FAM124A: variants seen among roughly 807,000 people sequenced by gnomAD.
FAM124A encodes the protein protein FAM124A.
FAM124A carries 23 observed loss-of-function variants against 24.5 expected under a neutral mutation model. That is an observed-to-expected ratio of 0.94 (90% confidence interval 0.68 to 1.33). The LOEUF (loss-of-function observed/expected upper bound fraction) is 1.33, where lower values mean the gene tolerates loss of function less well. FAM124A is among the 40% of genes most tolerant of loss of function. FAM124A has a pLI of 0.00. For synonymous variants in FAM124A, 287 were observed against 314.7 expected, an observed-to-expected ratio of 0.91 and a Z score of 0.93; for missense variants, 623 against 722.8, an observed-to-expected ratio of 0.86 and a Z score of 1.58.
At chr13:51,246,081 A>G (rs1279574200) in intron 2 of FAM124A, among the ~76,000 whole-genome samples, 1 of 152,220 alleles carries the variant, frequency 6.6e-6, no homozygotes, top group Non-Finnish European at 1.5e-5. Context: ...CCTTCTCCTT[A>G]GGAAAACACA....
chr13:51,233,575 A>C lies in FAM124A; in HGVS notation c.100+2196A>C, dbSNP rs373920166. Among the ~76,000 whole-genome samples the C allele has an allele frequency of 3.3e-5, 5 of 152,126 alleles. No homozygotes were observed. In the South Asian group the frequency reaches 1.0e-3, roughly 32 times the overall value. On this transcript the variant is annotated intron_variant, in intron 2 of 3. Transcript: ENST00000322475. ...GTGGGGCGGGTAGGGGGAAGCGGGG[A>C]GGCTTGACTGTCCCTGCGTCAGCAC...
chr13:51,250,036 G>T (rs748782869), intron 2 of FAM124A, among the ~76,000 whole-genome samples: 2 of 152,214 alleles, frequency 1.3e-5, no homozygotes, highest in South Asian at 4.1e-4. Context: ...TAAGAGAGAA[G>T]ACAGCAAGCT....
intron 1 of FAM124A, among the ~76,000 whole-genome samples, chr13:51,230,407 G>C (rs533441872): frequency 9.9e-5 from 15 of 152,196 alleles, no homozygotes; most frequent in Non-Finnish European, 2.9e-5. Flanking sequence ...AGACTAAGGA[G>C]ATAAAAGGAA....
chr13:51,271,473 C>A (rs567491368), intron 3 of FAM124A, among the ~76,000 whole-genome samples: 1 of 152,216 alleles, frequency 6.6e-6, no homozygotes, highest in South Asian at 2.1e-4. Context: ...GAAGTAAAGC[C>A]AGCTAGGCAG....
chr13:51,248,376 A>G (rs569466710), intron 2 of FAM124A, among the ~76,000 whole-genome samples: 14 of 152,298 alleles, frequency 9.2e-5, no homozygotes, highest in African/African-American at 3.1e-4. Flanking sequence ...TAGCCTGTGA[A>G]TCCATGCCTC....
chr13:51,252,206 TG>T lies in FAM124A; in HGVS notation c.834+11del. 6.2e-7 allele frequency: 1 copy of T among 1,610,718 alleles called. No individual in the cohort carries two copies. Among genetic ancestry groups the T allele is most frequent in the Non-Finnish European group, 8.5e-7 (1 of 1,178,854 alleles). On this transcript the variant is annotated splice_donor_region_variant and intron_variant, in intron 3 of 3. Transcript: ENST00000322475. ...GGGAACAAGATCCTCCTACAGGTAC[TG>T]GGGGGACGCCTGTCTGTCTGTTTAG...
chr13:51,261,943 TG>T (rs1271088291), intron 3 of FAM124A, among the ~76,000 whole-genome samples: 2 of 152,236 alleles, frequency 1.3e-5, no homozygotes, highest in Admixed American at 1.3e-4. Flanking sequence ...GGGACAAAGA[TG>T]AACCAGAGGG....
At chr13:51,232,443 TA>T (rs1222191559) in intron 2 of FAM124A, among the ~76,000 whole-genome samples, 6 of 152,354 alleles carry the variant, frequency 3.9e-5, no homozygotes, top group African/African-American at 1.4e-4. Context: ...GAGAGACACT[TA>T]ATTGGATTAT....
intron 3 of FAM124A, among the ~76,000 whole-genome samples, chr13:51,257,442 G>C (rs1954686872): frequency 6.6e-6 from 1 of 152,048 alleles, no homozygotes; most frequent in Non-Finnish European, 1.5e-5. Flanking sequence ...ACTTAGATGG[G>C]CCTTGTTTTA....
rs74829222 is a variant in FAM124A at position 51,258,132 on chromosome 13, C to T, written c.834+5931C>T. ...GGTCTCTGTTTTCACGTTCATATGG[C>T]ATTCTCCCTGTGTGTGTCATCTCCA... is the stretch of plus-strand genomic sequence containing the variant. On this transcript the variant is annotated intron_variant, in intron 3 of 3. Coordinates refer to ENST00000322475, the MANE Select transcript of FAM124A (RefSeq NM_001242312.2). This position sits in a 1 kb window ranked among gnomAD's most constrained non-coding sequence, Gnocchi z 4.2. 0.046 allele frequency among the ~76,000 whole-genome samples: 6,962 copies of T among 152,248 alleles called. 224 individuals are homozygous for T. Among genetic ancestry groups the T allele is most frequent in the East Asian group, 0.16 (819 of 5,176 alleles).
At chr13:51,247,617 TC>T (rs1212937366) in intron 2 of FAM124A, among the ~76,000 whole-genome samples, 1 of 152,142 alleles carries the variant, frequency 6.6e-6, no homozygotes, top group African/African-American at 2.4e-5. Context: ...ATGGTGTTTT[TC>T]CCCCCTCATT....
At chr13:51,240,735 AG>A (rs958231857) in intron 2 of FAM124A, among the ~76,000 whole-genome samples, 2 of 152,242 alleles carry the variant, frequency 1.3e-5, no homozygotes, top group African/African-American at 4.8e-5. Flanking sequence ...ACATAAAAGC[AG>A]TACTGCTTTA....
In FAM124A at chr13:51,281,009, T is replaced by G. The variant is rs1954931519; in HGVS notation, c.1394T>G (p.Leu465Arg). Residue 465 changes from leucine to arginine, a missense_variant, in exon 4 of 4, where the codon CTG becomes CGG. Physicochemically the swap from Leu to Arg is moderately radical, Grantham distance 102. Coordinates refer to ENST00000322475, the MANE Select transcript of FAM124A (RefSeq NM_001242312.2). ...AAHKDSREGPLPTVSRVTTEA... is the reference protein window; with the variant it reads ...AAHKDSREGPRPTVSRVTTEA... ...CACAAGGATTCCAGGGAGGGACCAC[T>G]GCCCACTGTCAGCAGGGTGACCACA... is the stretch of plus-strand genomic sequence containing the variant. The G allele has an allele frequency of 1.2e-6, 2 of 1,613,942 alleles. No individual in the cohort carries two copies. Among genetic ancestry groups the G allele is most frequent in the African/African-American group, 1.3e-5 (1 of 74,890 alleles).
At chr13:51,233,153 C>T (rs1033939069) in intron 2 of FAM124A, among the ~76,000 whole-genome samples, 1 of 152,046 alleles carries the variant, frequency 6.6e-6, no homozygotes, top group African/African-American at 2.4e-5. Context: ...TTTCCTCTAA[C>T]CCTTAAGAAG....
chr13:51,241,922 T>A (rs1351356631), intron 2 of FAM124A, among the ~76,000 whole-genome samples: 1 of 152,178 alleles, frequency 6.6e-6, no homozygotes, highest in Non-Finnish European at 1.5e-5. Context: ...ATTCATCTGA[T>A]TTCTCAATAT....
intron 3 of FAM124A, among the ~76,000 whole-genome samples, chr13:51,264,372 AC>A (rs1306053152): frequency 6.6e-6 from 1 of 151,994 alleles, no homozygotes; most frequent in Non-Finnish European, 1.5e-5. Flanking sequence ...GGAAACTCAA[AC>A]CCTGCCTGTC....
chr13:51,252,086 A>C lies in FAM124A; in HGVS notation c.719A>C (p.Glu240Ala). Residue 240 changes from glutamate to alanine, a missense_variant, in exon 3 of 4, where the codon GAG becomes GCG. By Grantham distance (107) the Glu-to-Ala change is moderately radical. Coordinates refer to ENST00000322475, the MANE Select transcript of FAM124A (RefSeq NM_001242312.2). Reference protein sequence around the residue: ...CPVPTDSSVLEFRVRDIGELV... With the variant: ...CPVPTDSSVLAFRVRDIGELV... ...GTGCCCACCGACTCCTCCGTGCTGG[A>C]GTTCCGAGTGAGGGACATAGGCGAG... The C allele has an allele frequency of 6.2e-7, 1 of 1,614,062 alleles. No homozygotes were observed. The highest frequency in any genetic ancestry group is 8.5e-7 in the Non-Finnish European group (1 of 1,180,028).
chr13:51,252,935 G>A (rs1452903427), intron 3 of FAM124A: 1 of 152,114 alleles, frequency 6.6e-6, no homozygotes, highest in Non-Finnish European at 1.5e-5. Flanking sequence ...TCCTTCCAGG[G>A]GTTGTCCCAG....
chr13:51,238,206 G>A (rs939716037), intron 2 of FAM124A, among the ~76,000 whole-genome samples: 2 of 152,202 alleles, frequency 1.3e-5, no homozygotes, highest in Admixed American at 1.3e-4. Context: ...AGGTGTTAAT[G>A]GCCTGGTAGA....
Sources: allele counts gnomAD v4.1 joint callset (sites outside exome capture counted in the v4.1 genomes callset), GRCh38; gene constraint gnomAD v4.1.1; non-coding constraint Gnocchi (gnomAD v3.1); transcripts MANE v1.5; gene names NCBI Gene and HGNC (gene_info 2026-07-23, HGNC 2026-07-21).